LINGO2: variants seen among roughly 807,000 people sequenced by gnomAD.
The protein encoded by LINGO2 is leucine-rich repeat and immunoglobulin-like domain-containing nogo receptor-interacting protein 2.
A neutral mutation model predicts 30.6 loss-of-function variants in LINGO2; 14 were observed. The ratio of observed to expected loss-of-function variants is 0.46; its 90% CI spans 0.30 to 0.72. LINGO2 has a LOEUF of 0.72. Ranked by LOEUF, LINGO2 falls within the 30% of genes least tolerant of loss-of-function variation. LINGO2 has a pLI of 0.07. For synonymous variants in LINGO2, 317 were observed against 288.5 expected, an observed-to-expected ratio of 1.10 and a Z score of -1.00; for missense variants, 729 against 751.7, an observed-to-expected ratio of 0.97 and a Z score of 0.35.
the LINGO2 span, among the ~76,000 whole-genome samples, chr9:28,862,270 C>G: frequency 6.6e-6 from 1 of 151,746 alleles, no homozygotes; most frequent in East Asian, 1.9e-4. Flanking sequence ...ATGTATCAGA[C>G]AAGGAATGGT....
chr9:29,112,816 G>A, the LINGO2 span, among the ~76,000 whole-genome samples: 1 of 152,090 alleles, frequency 6.6e-6, no homozygotes, highest in Non-Finnish European at 1.5e-5. Flanking sequence ...ATTGAAAGCT[G>A]ATAAGAAAAC....
At chr9:29,028,399 T>G in the LINGO2 span, among the ~76,000 whole-genome samples, 1 of 126,792 alleles carries the variant, frequency 7.9e-6, no homozygotes. Flanking sequence ...GACAGACACA[T>G]TATCTAAGTG....
exon 6 of LINGO2, chr9:27,948,552 G>T (rs778099872): frequency 4.7e-5 from 14 of 295,616 alleles, no homozygotes; most frequent in African/African-American, 6.5e-5. Context: ...GGTAGAAAAT[G>T]CTGAATAATT....
At chr9:28,879,744 C>G in the LINGO2 span, among the ~76,000 whole-genome samples, 1 of 152,102 alleles carries the variant, frequency 6.6e-6, no homozygotes, top group African/African-American at 2.4e-5. Context: ...TTTAACATCA[C>G]CACTGTGAGT....
chr9:28,003,984 A>C (rs1226079624), intron 5 of LINGO2, among the ~76,000 whole-genome samples: 2 of 152,210 alleles, frequency 1.3e-5, no homozygotes, highest in Non-Finnish European at 2.9e-5. Context: ...AGCCATTTGA[A>C]AAAAGAGTGA....
the LINGO2 span, among the ~76,000 whole-genome samples, chr9:28,730,584 G>C: frequency 6.6e-6 from 1 of 152,124 alleles, no homozygotes; most frequent in African/African-American, 2.4e-5. Flanking sequence ...AGAATAGCTA[G>C]AGAACTCTTC....
chr9:28,772,446 T>C, the LINGO2 span, among the ~76,000 whole-genome samples: 2 of 152,176 alleles, frequency 1.3e-5, no homozygotes, highest in Admixed American at 6.5e-5. Flanking sequence ...TGCATGTACA[T>C]AACAGCAGCA....
intron 2 of LINGO2, among the ~76,000 whole-genome samples, chr9:28,390,030 CTTA>C (rs1399316587): frequency 6.6e-6 from 1 of 152,058 alleles, no homozygotes; most frequent in African/African-American, 2.4e-5. Flanking sequence ...ATAATAGTTA[CTTA>C]TTTTTTTTTA....
At chr9:28,214,719 T>A (rs773415280) in intron 4 of LINGO2, among the ~76,000 whole-genome samples, 1 of 151,702 alleles carries the variant, frequency 6.6e-6, no homozygotes, top group Non-Finnish European at 1.5e-5. Context: ...CTGTAAGGTA[T>A]AATTGTCCAA....
chr9:28,917,505 T>G, the LINGO2 span, among the ~76,000 whole-genome samples: 1 of 151,864 alleles, frequency 6.6e-6, no homozygotes, highest in Admixed American at 6.6e-5. Context: ...CAGGCTGGAG[T>G]GCAGTTGTGG....
the LINGO2 span, among the ~76,000 whole-genome samples, chr9:28,703,810 T>C: frequency 2.0e-5 from 3 of 151,986 alleles, no homozygotes; most frequent in Non-Finnish European, 4.4e-5. Flanking sequence ...AAGAATACTA[T>C]ACCCTTTCAC....
chr9:28,017,941 C>T (rs1822922564), intron 4 of LINGO2, among the ~76,000 whole-genome samples: 1 of 152,132 alleles, frequency 6.6e-6, no homozygotes, highest in African/African-American at 2.4e-5. Flanking sequence ...CATCACACGA[C>T]CTGACTTCAA....
At chr9:28,195,570 T>C (rs928289079) in intron 4 of LINGO2, among the ~76,000 whole-genome samples, 2 of 150,918 alleles carry the variant, frequency 1.3e-5, no homozygotes, top group African/African-American at 4.8e-5. Flanking sequence ...AGATTGATTT[T>C]TTTCACAACC....
chr9:27,964,532 T>C (rs1820003879), intron 5 of LINGO2, among the ~76,000 whole-genome samples: 1 of 152,104 alleles, frequency 6.6e-6, no homozygotes, highest in Non-Finnish European at 1.5e-5. Context: ...TGCAATGAAA[T>C]CGATATAAAA....
the LINGO2 span, among the ~76,000 whole-genome samples, chr9:28,797,349 TATATATATATAGAGAGAGAGAGAGAG>T: frequency 6.2e-5 from 4 of 64,508 alleles, no homozygotes; most frequent in African/African-American, 2.1e-4. Context: ...TATATATATA[TATATATATATAGAGAGAGAGAGAGAG>T]AGAGAGAGAG....
intron 2 of LINGO2, among the ~76,000 whole-genome samples, chr9:28,375,189 T>C (rs1821081147): frequency 6.6e-6 from 1 of 151,982 alleles, no homozygotes; most frequent in Non-Finnish European, 1.5e-5. Context: ...TCTGCTGCAA[T>C]GGGACCGTTC....
chr9:28,093,090 T>C (rs1350386898), intron 4 of LINGO2, among the ~76,000 whole-genome samples: 1 of 152,070 alleles, frequency 6.6e-6, no homozygotes, highest in African/African-American at 2.4e-5. Context: ...TCTAAGTACA[T>C]GTTTTTTATC....
At chr9:28,136,994 G>A (rs1426625257) in intron 4 of LINGO2, among the ~76,000 whole-genome samples, 1 of 152,056 alleles carries the variant, frequency 6.6e-6, no homozygotes, top group East Asian at 1.9e-4. Context: ...CCTGCCTTCA[G>A]ACATGGACTC....
At chr9:28,677,940 C>A in the LINGO2 span, among the ~76,000 whole-genome samples, 1 of 151,848 alleles carries the variant, frequency 6.6e-6, no homozygotes, top group Non-Finnish European at 1.5e-5. Context: ...CATCCCGAAT[C>A]CATCTACATG....
Sources: allele counts gnomAD v4.1 joint callset (sites outside exome capture counted in the v4.1 genomes callset), GRCh38; gene constraint gnomAD v4.1.1; transcripts MANE v1.5; gene names NCBI Gene and HGNC (gene_info 2026-07-23, HGNC 2026-07-21).